PTPRT: variants seen among roughly 807,000 people sequenced by gnomAD.
PTPRT encodes the protein receptor-type tyrosine-protein phosphatase T.
In PTPRT, 56 loss-of-function variants were observed where a neutral mutation model predicts 176.8. That is an observed-to-expected ratio of 0.32 (90% CI 0.26 to 0.40). The LOEUF (loss-of-function observed/expected upper bound fraction) is 0.40, where lower values mean the gene tolerates loss of function less well. Among genes scored for constraint, PTPRT ranks in the 10% least tolerant of loss-of-function variants. The pLI is 1.00. For synonymous variants in PTPRT, 783 were observed against 739.0 expected, an observed-to-expected ratio of 1.06 and a Z score of -0.96; for missense variants, 1,540 against 1,908.2, an observed-to-expected ratio of 0.81 and a Z score of 3.60.
intron 12 of PTPRT, among the ~76,000 whole-genome samples, chr20:42,312,247 C>A (rs192645650): frequency 1.3e-5 from 2 of 152,138 alleles, no homozygotes; most frequent in South Asian, 4.1e-4. Context: ...AAGCAGGGAA[C>A]GTGGGAGCCC....
chr20:42,988,624 C>G (rs1237466956), intron 1 of PTPRT, among the ~76,000 whole-genome samples: 1 of 152,216 alleles, frequency 6.6e-6, no homozygotes, highest in Non-Finnish European at 1.5e-5. Flanking sequence ...CACACAGGAC[C>G]AGCAGAGCCA....
In PTPRT at chr20:42,618,251, T is replaced by C. The variant is rs1418729390; in HGVS notation, c.1153+59615A>G. ...TCAGTTTCCATGTCGTTGAGCGGCTTTGAGTGAGATTCTTAATCCTGAGTT... is the reference window on the plus strand; with the variant it reads ...TCAGTTTCCATGTCGTTGAGCGGCTCTGAGTGAGATTCTTAATCCTGAGTT... On this transcript the variant is annotated intron_variant, in intron 7 of 30. Coordinates refer to ENST00000373187, the MANE Select transcript of PTPRT (RefSeq NM_007050.6). 6.2e-5 allele frequency among the ~76,000 whole-genome samples: 8 copies of C among 128,678 alleles called. 2 individuals are homozygous for C. Among genetic ancestry groups the C allele is most frequent in the African/African-American group, 1.8e-4 (5 of 28,266 alleles). The allele number at this position is 128,678 out of a possible 152,430, so 84.4% of individuals were successfully genotyped here.
chr20:43,020,345 A>C (rs1478296971), intron 1 of PTPRT, among the ~76,000 whole-genome samples: 4 of 151,914 alleles, frequency 2.6e-5, no homozygotes, highest in Non-Finnish European at 5.9e-5. Flanking sequence ...ATCCCTTTTA[A>C]GAATACATGT....
intron 17 of PTPRT, among the ~76,000 whole-genome samples, chr20:42,160,310 T>C (rs1324228832): frequency 6.6e-6 from 1 of 152,232 alleles, no homozygotes; most frequent in Non-Finnish European, 1.5e-5. Context: ...GGAGTCTAAC[T>C]GCAACCAGGA....
intron 2 of PTPRT, among the ~76,000 whole-genome samples, chr20:42,845,080 G>A (rs968373769): frequency 6.6e-6 from 1 of 152,252 alleles, no homozygotes; most frequent in Non-Finnish European, 1.5e-5. Context: ...TGGGAGAAGG[G>A]GGCTGCCTAA....
At chr20:42,241,815 C>T (rs766609260) in intron 14 of PTPRT, among the ~76,000 whole-genome samples, 3 of 152,020 alleles carry the variant, frequency 2.0e-5, no homozygotes, top group Non-Finnish European at 4.4e-5. Flanking sequence ...TTTGTTTGGG[C>T]GTTTGGGCTT....
At chr20:43,007,400 A>G (rs1478395640) in intron 1 of PTPRT, among the ~76,000 whole-genome samples, 1 of 152,208 alleles carries the variant, frequency 6.6e-6, no homozygotes, top group Non-Finnish European at 1.5e-5. Context: ...TTATTCTGCT[A>G]TCTTTAGCCA....
At chr20:42,761,954 G>T (rs972648896) in intron 5 of PTPRT, among the ~76,000 whole-genome samples, 9 of 152,190 alleles carry the variant, frequency 5.9e-5, no homozygotes, top group Non-Finnish European at 1.2e-4. Context: ...TGAAAGGAGG[G>T]TAGAGAGTGC....
intron 1 of PTPRT, among the ~76,000 whole-genome samples, chr20:43,081,066 G>C (rs1185945333): frequency 6.6e-6 from 1 of 152,170 alleles, no homozygotes; most frequent in Non-Finnish European, 1.5e-5. Flanking sequence ...TTAACTTTTA[G>C]CTGAAGCTGG....
At chr20:42,942,247 C>T (rs1176651238) in intron 1 of PTPRT, among the ~76,000 whole-genome samples, 1 of 152,194 alleles carries the variant, frequency 6.6e-6, no homozygotes, top group East Asian at 1.9e-4. Flanking sequence ...TCCATACTGG[C>T]TGGCTGGGTC....
intron 7 of PTPRT, among the ~76,000 whole-genome samples, chr20:42,543,454 C>T (rs2072619347): frequency 6.6e-6 from 1 of 152,118 alleles, no homozygotes. Flanking sequence ...TATCTTCAGG[C>T]TTCATATCTA....
chr20:42,996,286 T>C (rs1984218322), intron 1 of PTPRT, among the ~76,000 whole-genome samples: 1 of 152,162 alleles, frequency 6.6e-6, no homozygotes, highest in Admixed American at 6.5e-5. Context: ...TCAGCTGAAG[T>C]ACCCACATGT....
intron 8 of PTPRT, among the ~76,000 whole-genome samples, chr20:42,448,931 T>A (rs1166111458): frequency 1.3e-5 from 2 of 152,124 alleles, no homozygotes; most frequent in Non-Finnish European, 2.9e-5. Flanking sequence ...TGGGCCACAT[T>A]CAAAGCCATC....
intron 9 of PTPRT, among the ~76,000 whole-genome samples, chr20:42,394,181 A>G (rs900500750): frequency 6.6e-6 from 1 of 152,108 alleles, no homozygotes; most frequent in South Asian, 2.1e-4. Context: ...ACTTCTGGCA[A>G]ACACTGATTT....
rs117894756 is a variant in PTPRT, at chr20:42,953,449, C to A, written c.89-67517G>T. Reference sequence around the variant, plus strand: ...TGCCATGGTACCCACTGCCATCCCTCGGTGAATCACACAAGATAAAAGTAT... The same window carrying A: ...TGCCATGGTACCCACTGCCATCCCTAGGTGAATCACACAAGATAAAAGTAT... On this transcript the variant is annotated intron_variant, in intron 1 of 30. Coordinates refer to ENST00000373187, the MANE Select transcript of PTPRT (RefSeq NM_007050.6). 5.6e-3 allele frequency among the ~76,000 whole-genome samples: 858 copies of A among 152,312 alleles called. 2 individuals carry two copies. The highest frequency in any genetic ancestry group is 8.5e-3 in the Non-Finnish European group (579 of 68,022).
intron 2 of PTPRT, among the ~76,000 whole-genome samples, chr20:42,844,509 T>C (rs1438060602): frequency 2.0e-5 from 3 of 151,746 alleles, no homozygotes; most frequent in Non-Finnish European, 4.4e-5. Flanking sequence ...TGACAATGGA[T>C]TTTTTTTTCT....
chr20:42,861,676 T>C (rs2078663934), intron 2 of PTPRT, among the ~76,000 whole-genome samples: 1 of 151,720 alleles, frequency 6.6e-6, no homozygotes, highest in Non-Finnish European at 1.5e-5. Context: ...AGAAAGAGTG[T>C]CTGGATAAAA....
At chr20:42,733,395 T>TTTGCC (rs1335286063) in intron 6 of PTPRT, among the ~76,000 whole-genome samples, 2 of 152,214 alleles carry the variant, frequency 1.3e-5, no homozygotes, top group Non-Finnish European at 2.9e-5. Flanking sequence ...TGCTCTTTGC[T>TTTGCC]TTGCCTTGTG....
At chr20:43,146,709 C>A (rs1397485435) in intron 1 of PTPRT, among the ~76,000 whole-genome samples, 2 of 152,266 alleles carry the variant, frequency 1.3e-5, no homozygotes, top group Middle Eastern at 3.4e-3. Flanking sequence ...CTTGCATGGG[C>A]CCCTTTCAAA....
Sources: allele counts gnomAD v4.1 joint callset (sites outside exome capture counted in the v4.1 genomes callset), GRCh38; gene constraint gnomAD v4.1.1; transcripts MANE v1.5; gene names NCBI Gene and HGNC (gene_info 2026-07-23, HGNC 2026-07-21).